Variants in GRID1 observed in about 807,000 individuals in gnomAD.
GRID1 encodes glutamate receptor ionotropic, delta-1.
In GRID1, 28 loss-of-function variants were observed where a neutral mutation model predicts 98.0. That is an observed-to-expected ratio of 0.29 (90% CI 0.21 to 0.39). The LOEUF is 0.39. GRID1 is among the 10% of genes least tolerant of loss of function. GRID1 has a pLI of 1.00. For missense variants in GRID1, 1,111 were observed against 1,340.5 expected (o/e 0.83, Z 2.67); for synonymous variants, 553 against 538.5 (o/e 1.03, Z -0.37).
At chr10:86,364,396 C>T (rs991516954) in intron 1 of GRID1, among the ~76,000 whole-genome samples, 1 of 152,228 alleles carries the variant, frequency 6.6e-6, no homozygotes, top group African/African-American at 2.4e-5. Flanking sequence ...ACCACATGTC[C>T]TAGCCATGCT....
At chr10:86,328,251 G>C (rs1405057822) in intron 2 of GRID1, among the ~76,000 whole-genome samples, 1 of 152,204 alleles carries the variant, frequency 6.6e-6, no homozygotes, top group Non-Finnish European at 1.5e-5. Flanking sequence ...TAAACACAGA[G>C]GGAAAGTTCT....
At chr10:85,742,797 A>G (rs1841957207) in intron 8 of GRID1, among the ~76,000 whole-genome samples, 1 of 152,118 alleles carries the variant, frequency 6.6e-6, no homozygotes, top group African/African-American at 2.4e-5. Flanking sequence ...ATCTGGGCTG[A>G]ATCTGATGCT....
intron 4 of GRID1, among the ~76,000 whole-genome samples, chr10:86,061,591 G>A (rs940897984): frequency 1.3e-5 from 2 of 152,178 alleles, no homozygotes; most frequent in African/African-American, 4.8e-5. Context: ...GCCTGGCACT[G>A]TGATTCCAGA....
At chr10:86,357,079 G>A (rs948763438) in intron 2 of GRID1, among the ~76,000 whole-genome samples, 2 of 152,202 alleles carry the variant, frequency 1.3e-5, no homozygotes, top group African/African-American at 4.8e-5. Context: ...AATTGTCAAA[G>A]TACTCATGTC....
At chr10:86,343,233 T>G (rs1848336107) in intron 2 of GRID1, among the ~76,000 whole-genome samples, 3 of 152,168 alleles carry the variant, frequency 2.0e-5, no homozygotes, top group African/African-American at 4.8e-5. Flanking sequence ...CACAGCAAAT[T>G]TTCTGGATTT....
chr10:86,076,607 C>A lies in GRID1; in HGVS notation c.726+62212G>T, dbSNP rs143330106. Among the ~76,000 whole-genome samples, 53 of 152,302 alleles carry A rather than the reference C, an allele frequency of 3.5e-4. No individual in the cohort carries two copies. The East Asian group carries it at 9.1e-3, about 26-fold the overall frequency. ...TGTCAGACCGGAGACCCATAGATGA[C>A]CTCATGTTGCAGTTCAAGTTCAAAG... On this transcript the variant is annotated intron_variant, in intron 4 of 15. Coordinates refer to ENST00000327946, the MANE Select transcript of GRID1 (RefSeq NM_017551.3).
intron 2 of GRID1, among the ~76,000 whole-genome samples, chr10:86,260,140 G>T (rs1053958308): frequency 6.6e-6 from 1 of 152,184 alleles, no homozygotes; most frequent in Non-Finnish European, 1.5e-5. Flanking sequence ...CCTGCACCTT[G>T]TTCTCTGTTC....
chr10:86,208,811 A>G (rs191563086), intron 2 of GRID1, among the ~76,000 whole-genome samples: 337 of 152,316 alleles, frequency 2.2e-3, no homozygotes, highest in African/African-American at 7.6e-3. Flanking sequence ...CAAGAACACC[A>G]TGCAAGAATT....
intron 2 of GRID1, among the ~76,000 whole-genome samples, chr10:86,304,645 C>T (rs1355840352): frequency 6.6e-6 from 1 of 152,230 alleles, no homozygotes; most frequent in Non-Finnish European, 1.5e-5. Context: ...TGGCCTGGCA[C>T]TGTGCTCAGT....
chr10:85,762,672 A>G (rs1177430699), intron 8 of GRID1, among the ~76,000 whole-genome samples: 1 of 152,222 alleles, frequency 6.6e-6, no homozygotes, highest in Non-Finnish European at 1.5e-5. Context: ...CAAAAAAGCG[A>G]CAGAGGCTTT....
At chr10:86,313,527 G>A (rs974586605) in intron 2 of GRID1, among the ~76,000 whole-genome samples, 2 of 152,310 alleles carry the variant, frequency 1.3e-5, no homozygotes, top group African/African-American at 4.8e-5. Flanking sequence ...CCCAGAACTT[G>A]AAGTGTGGCA....
chr10:85,735,211 G>C (rs1841867104), intron 8 of GRID1, among the ~76,000 whole-genome samples: 2 of 152,188 alleles, frequency 1.3e-5, no homozygotes, highest in South Asian at 2.1e-4. Context: ...ACTTTTGACA[G>C]CTGACCTGTC....
At chr10:85,731,464 TAA>T (rs35732771) in intron 8 of GRID1, among the ~76,000 whole-genome samples, 4 of 143,014 alleles carry the variant, frequency 2.8e-5, no homozygotes, top group Non-Finnish European at 3.0e-5. Flanking sequence ...ATGATACAGT[TAA>T]AAAAAAAAAA....
At chr10:86,323,799 A>G (rs1848004320) in intron 2 of GRID1, among the ~76,000 whole-genome samples, 1 of 152,262 alleles carries the variant, frequency 6.6e-6, no homozygotes, top group Non-Finnish European at 1.5e-5. Context: ...TGTGATGTGC[A>G]TTTTACCACA....
intron 4 of GRID1, among the ~76,000 whole-genome samples, chr10:86,017,586 A>C (rs577121247): frequency 6.6e-6 from 1 of 152,320 alleles, no homozygotes; most frequent in South Asian, 2.1e-4. Context: ...GTTCAATGTC[A>C]TAGCCCATTT....
chr10:85,843,187 A>G (rs1334263223), intron 8 of GRID1, among the ~76,000 whole-genome samples: 3 of 152,044 alleles, frequency 2.0e-5, no homozygotes, highest in Non-Finnish European at 4.4e-5. Flanking sequence ...AATTCAATGG[A>G]GGATGGACTG....
At chr10:86,331,260 G>A (rs1362258978) in intron 2 of GRID1, among the ~76,000 whole-genome samples, 2 of 152,182 alleles carry the variant, frequency 1.3e-5, no homozygotes, top group Non-Finnish European at 2.9e-5. Context: ...GGTTCTCACT[G>A]GGCATTCCAG....
intron 4 of GRID1, among the ~76,000 whole-genome samples, chr10:86,079,611 C>T (rs563669225): frequency 1.1e-4 from 17 of 152,240 alleles, no homozygotes; most frequent in African/African-American, 3.9e-4. Flanking sequence ...GACAGACACC[C>T]GGCTCCAAAT....
rs184006287 is a variant in GRID1 at position 86,008,351 on chromosome 10, C to T, written c.727-92112G>A. ...CAAAGACCACCAACCCAGTATCAAGCCCCAGGATTTCTTAAACAAACCAAA... is the reference window on the plus strand; with the variant it reads ...CAAAGACCACCAACCCAGTATCAAGTCCCAGGATTTCTTAAACAAACCAAA... On this transcript the variant is annotated intron_variant, in intron 4 of 15. Transcript: ENST00000327946. 2.0e-3 allele frequency among the ~76,000 whole-genome samples: 301 copies of T among 152,126 alleles called. 1 individual carries two copies. Among genetic ancestry groups the T allele is most frequent in the Non-Finnish European group, 3.7e-3 (251 of 68,010 alleles).
Sources: gnomAD v4.1 joint callset for allele counts (sites outside exome capture counted in the v4.1 genomes callset) on GRCh38, gnomAD v4.1.1 for gene constraint, MANE v1.5 for transcripts, NCBI Gene and HGNC (gene_info 2026-07-23, HGNC 2026-07-21) for gene names.